Variants in FSTL5 observed in about 807,000 individuals in gnomAD.
The protein encoded by FSTL5 is follistatin like 5, also known as follistatin-related protein 5.
FSTL5 carries 62 observed loss-of-function variants against 89.1 expected under a neutral mutation model. The observed-to-expected ratio is 0.70, with a 90% CI of 0.57 to 0.86. The LOEUF (loss-of-function observed/expected upper bound fraction) is 0.86, where lower values mean the gene tolerates loss of function less well. FSTL5 is among the 40% of genes least tolerant of loss of function. The pLI is 0.00. For synonymous variants in FSTL5, 383 were observed against 346.2 expected (o/e 1.11, Z -1.18); for missense variants, 1,057 against 1,001.6 (o/e 1.06, Z -0.75).
At chr4:161,609,040 A>C (rs970827823) in intron 7 of FSTL5, among the ~76,000 whole-genome samples, 5 of 151,966 alleles carry the variant, frequency 3.3e-5, no homozygotes, top group Admixed American at 6.6e-5. Context: ...TATTTTTAAT[A>C]TAATTATATT....
intron 10 of FSTL5, among the ~76,000 whole-genome samples, chr4:161,513,275 GAGA>G (rs1560932039): frequency 0.12 from 681 of 5,582 alleles, 20 homozygotes; most frequent in Admixed American, 0.25. Flanking sequence ...AGGAGGGGGA[GAGA>G]GAGAGAGAGA....
chr4:161,413,025 C>T (rs149907235), intron 15 of FSTL5, among the ~76,000 whole-genome samples: 237 of 152,076 alleles, frequency 1.6e-3, no homozygotes, highest in African/African-American at 5.3e-3. Flanking sequence ...TACTAAGTCC[C>T]CAAAGGCAAT....
chr4:161,790,815 A>G (rs1160253968), intron 4 of FSTL5, among the ~76,000 whole-genome samples: 1 of 152,150 alleles, frequency 6.6e-6, no homozygotes, highest in Non-Finnish European at 1.5e-5. Context: ...TTTATATTTC[A>G]CTTTTTTCTC....
At chr4:161,405,614 T>C (rs1731348467) in intron 15 of FSTL5, among the ~76,000 whole-genome samples, 1 of 152,048 alleles carries the variant, frequency 6.6e-6, no homozygotes, top group Non-Finnish European at 1.5e-5. Flanking sequence ...AGAGGAGAGA[T>C]CACAGAAAAT....
At chr4:161,478,752 CA>C (rs1218624389) in intron 13 of FSTL5, among the ~76,000 whole-genome samples, 7 of 151,768 alleles carry the variant, frequency 4.6e-5, no homozygotes, top group African/African-American at 1.7e-4. Flanking sequence ...GGTATGCCCA[CA>C]AATGACCATA....
intron 6 of FSTL5, among the ~76,000 whole-genome samples, chr4:161,754,094 T>C (rs368483686): frequency 1.3e-5 from 2 of 148,526 alleles, no homozygotes; most frequent in Admixed American, 6.8e-5. Context: ...TGATGACATT[T>C]TCAATATAAA....
At chr4:162,064,000 C>A (rs995820024) in intron 2 of FSTL5, among the ~76,000 whole-genome samples, 1 of 151,804 alleles carries the variant, frequency 6.6e-6, no homozygotes, top group African/African-American at 2.4e-5. Flanking sequence ...ATACACTTTA[C>A]TCCTGTTTCT....
At chr4:161,873,253 G>T (rs2126902262) in intron 4 of FSTL5, among the ~76,000 whole-genome samples, 1 of 152,154 alleles carries the variant, frequency 6.6e-6, no homozygotes, top group East Asian at 1.9e-4. Context: ...GAAAAGGATA[G>T]AATAGTTGCT....
chr4:162,005,099 G>T (rs942387789), intron 3 of FSTL5, among the ~76,000 whole-genome samples: 32 of 152,184 alleles, frequency 2.1e-4, no homozygotes, highest in African/African-American at 6.3e-4. Flanking sequence ...TGCTCTAGCT[G>T]CCTTGGCCTA....
chr4:161,784,272 C>T lies in FSTL5; in HGVS notation c.410-8198G>A, dbSNP rs562623789. 2.6e-5 allele frequency among the ~76,000 whole-genome samples: 4 copies of T among 152,134 alleles called. No individual in the cohort carries two copies. In the East Asian group the frequency reaches 7.7e-4, roughly 29 times the overall value. ...ATATATTATGCTACATAGGCCTTAA[C>T]AGTTTTGATTGTAGCAGCCTGTGCT... On this transcript the variant is annotated intron_variant, in intron 4 of 15. Coordinates refer to ENST00000306100, the MANE Select transcript of FSTL5 (RefSeq NM_020116.5).
chr4:161,905,412 T>C (rs1733494402), intron 4 of FSTL5, among the ~76,000 whole-genome samples: 1 of 152,030 alleles, frequency 6.6e-6, no homozygotes, highest in Admixed American at 6.6e-5. Flanking sequence ...CAAGGAAGAG[T>C]TCCTTGAATG....
At chr4:161,451,628 G>A (rs1170814162) in intron 15 of FSTL5, among the ~76,000 whole-genome samples, 1 of 152,182 alleles carries the variant, frequency 6.6e-6, no homozygotes, top group Non-Finnish European at 1.5e-5. Context: ...GGTGAATGAT[G>A]TTGCTGGGAT....
chr4:161,843,921 C>T (rs1731287678), intron 4 of FSTL5, among the ~76,000 whole-genome samples: 1 of 152,100 alleles, frequency 6.6e-6, no homozygotes, highest in Admixed American at 6.5e-5. Context: ...AAAGCAATTA[C>T]AACAAAAGAC....
At chr4:162,148,421 CA>C (rs1262166915) in intron 1 of FSTL5, among the ~76,000 whole-genome samples, 6 of 152,110 alleles carry the variant, frequency 3.9e-5, no homozygotes, top group African/African-American at 1.4e-4. Context: ...AATGCATTTT[CA>C]ATCATTATAT....
At chr4:161,521,852 AAAAAAAAAAAAAG>A (rs1401072604) in intron 10 of FSTL5, among the ~76,000 whole-genome samples, 2 of 130,720 alleles carry the variant, frequency 1.5e-5, no homozygotes, top group Non-Finnish European at 1.7e-5. Flanking sequence ...CCACCTCAAA[AAAAAAAAAAAAAG>A]AAAAAAAAAG....
chr4:161,742,666 G>A (rs1327142027), intron 6 of FSTL5, among the ~76,000 whole-genome samples: 1 of 152,110 alleles, frequency 6.6e-6, no homozygotes, highest in African/African-American at 2.4e-5. Flanking sequence ...GGCCAAGGAT[G>A]GGTTGAAGAG....
intron 8 of FSTL5, among the ~76,000 whole-genome samples, chr4:161,582,390 A>G (rs1292952459): frequency 6.6e-6 from 1 of 152,182 alleles, no homozygotes; most frequent in African/African-American, 2.4e-5. Flanking sequence ...TTTGGTAGAT[A>G]ATTTGCATTT....
intron 3 of FSTL5, among the ~76,000 whole-genome samples, 192 bp downstream of exon 3, chr4:162,033,433 A>G (rs1737613709): frequency 6.6e-6 from 1 of 152,188 alleles, no homozygotes; most frequent in Non-Finnish European, 1.5e-5. Flanking sequence ...GAAGATGGAA[A>G]ACATCAACAG....
At chr4:161,660,224 A>C (rs1736660396) in intron 6 of FSTL5, among the ~76,000 whole-genome samples, 1 of 152,174 alleles carries the variant, frequency 6.6e-6, no homozygotes, top group Non-Finnish European at 1.5e-5. Flanking sequence ...AGGCAAGTAA[A>C]ATACTTTCAC....
Sources: gnomAD v4.1 joint callset for allele counts (sites outside exome capture counted in the v4.1 genomes callset) on GRCh38, gnomAD v4.1.1 for gene constraint, MANE v1.5 for transcripts, NCBI Gene and HGNC (gene_info 2026-07-23, HGNC 2026-07-21) for gene names.